The following HTR4 variants were observed in gnomAD, a reference collection of about 807,000 sequenced individuals.
HTR4 encodes 5-hydroxytryptamine receptor 4, also known as 5-hydroxytryptamine (serotonin) receptor 4, G protein-coupled.
HTR4 carries 16 observed loss-of-function variants against 36.8 expected under a neutral mutation model. The ratio of observed to expected loss-of-function variants is 0.43; its 90% CI spans 0.29 to 0.66. The LOEUF is 0.66. Ranked by LOEUF, HTR4 falls within the 30% of genes least tolerant of loss-of-function variation. The pLI, the probability that HTR4 is intolerant of heterozygous loss-of-function variation, is 0.13. For synonymous variants in HTR4, 189 were observed against 185.1 expected (o/e 1.02, Z -0.17); for missense variants, 438 against 490.9 (o/e 0.89, Z 1.02).
chr5:148,641,534 T>C (rs1399738516), intron 1 of HTR4, among the ~76,000 whole-genome samples: 2 of 152,214 alleles, frequency 1.3e-5, no homozygotes, highest in Non-Finnish European at 2.9e-5. Flanking sequence ...TAGTCTCTCA[T>C]GACCATGCAT....
chr5:148,633,396 A>G (rs1371678449), intron 2 of HTR4, among the ~76,000 whole-genome samples: 3 of 149,684 alleles, frequency 2.0e-5, no homozygotes, highest in Non-Finnish European at 4.5e-5. Flanking sequence ...TTTTTTTATT[A>G]TACTTTAAGT....
At chr5:148,611,249 A>G (rs1242384559) in intron 2 of HTR4, among the ~76,000 whole-genome samples, 2 of 150,858 alleles carry the variant, frequency 1.3e-5, no homozygotes, top group Non-Finnish European at 3.0e-5. Context: ...GTTGAAATGA[A>G]GGAAAAAATG....
chr5:148,564,060 TC>T (rs1760330663), intron 2 of HTR4, among the ~76,000 whole-genome samples: 1 of 152,236 alleles, frequency 6.6e-6, no homozygotes, highest in Admixed American at 6.5e-5. Context: ...AATTTCTCCC[TC>T]TTGTTCAAAA....
At chr5:148,525,435 G>A (rs573398508) in intron 4 of HTR4, among the ~76,000 whole-genome samples, 3 of 151,902 alleles carry the variant, frequency 2.0e-5, no homozygotes, top group East Asian at 3.9e-4. Context: ...CAAATCCTTC[G>A]GGAGTTATCT....
chr5:148,621,545 G>A (rs1752920022), intron 2 of HTR4, among the ~76,000 whole-genome samples: 1 of 152,170 alleles, frequency 6.6e-6, no homozygotes, highest in African/African-American at 2.4e-5. Context: ...TCTAACGACT[G>A]TTTTGAGGCT....
chr5:148,588,759 C>G (rs1380912381), intron 2 of HTR4, among the ~76,000 whole-genome samples: 1 of 151,084 alleles, frequency 6.6e-6, no homozygotes, highest in Non-Finnish European at 1.5e-5. Flanking sequence ...CCAGGATGGT[C>G]TTGATCTCCT....
intron 2 of HTR4, among the ~76,000 whole-genome samples, chr5:148,617,617 C>T (rs1470482212): frequency 2.0e-5 from 3 of 151,810 alleles, no homozygotes; most frequent in Admixed American, 6.6e-5. Flanking sequence ...TACAGGTGCA[C>T]GCCACCACAC....
At chr5:148,629,336 C>G (rs1753236311) in intron 2 of HTR4, 1 of 152,164 alleles carries the variant, frequency 6.6e-6, no homozygotes, top group East Asian at 1.9e-4. Flanking sequence ...ATGCTTGCTT[C>G]TGAAATACTT....
chr5:148,523,135 G>C, intron 5 of HTR4, 58 bp downstream of exon 5: 1 of 1,420,782 alleles, frequency 7.0e-7, no homozygotes, highest in Non-Finnish European at 9.7e-7. Flanking sequence ...TATTCATTTA[G>C]GAACCCCATG....
chr5:148,620,820 T>G (rs960490225), intron 2 of HTR4, among the ~76,000 whole-genome samples: 1 of 152,190 alleles, frequency 6.6e-6, no homozygotes, highest in Non-Finnish European at 1.5e-5. Context: ...TCAGGAAGCC[T>G]TGACTTAGCC....
intron 2 of HTR4, among the ~76,000 whole-genome samples, chr5:148,576,116 A>AAAAAAAAAAAAAAAAAAC (rs1760894790): frequency 7.9e-6 from 1 of 126,890 alleles, no homozygotes; most frequent in African/African-American, 3.5e-5. Context: ...GTCTCAAAAA[A>AAAAAAAAAAAAAAAAAAC]AAAAAAAAAA....
chr5:148,542,582 C>A, intron 4 of HTR4, among the ~76,000 whole-genome samples: 1 of 151,446 alleles, frequency 6.6e-6, no homozygotes, highest in Admixed American at 6.6e-5. Context: ...TGGGTGTATC[C>A]AAAAAAGAAT....
chr5:148,454,877 A>G (rs1237539070), intron 5 of HTR4, among the ~76,000 whole-genome samples: 2 of 152,144 alleles, frequency 1.3e-5, no homozygotes, highest in Non-Finnish European at 2.9e-5. Context: ...CTTGCCCCTG[A>G]GCAGCATTGC....
chr5:148,592,789 A>C lies in HTR4; in HGVS notation c.27-42527T>G, dbSNP rs957859243. On this transcript the variant is annotated intron_variant, in intron 2 of 6. Coordinates refer to ENST00000377888, the MANE Select transcript of HTR4 (RefSeq NM_000870.7). ...ACTAATTTATTTTCCTCTGTGCCCT[A>C]TGTCCTTTAAAATTTCAGATATTAT... 2.6e-5 allele frequency among the ~76,000 whole-genome samples: 4 copies of C among 152,012 alleles called. No individual in the cohort carries two copies. The East Asian group carries it at 7.7e-4, about 29-fold the overall frequency.
chr5:148,503,709 A>G (rs1470993624), intron 6 of HTR4, among the ~76,000 whole-genome samples: 1 of 152,238 alleles, frequency 6.6e-6, no homozygotes, highest in Non-Finnish European at 1.5e-5. Flanking sequence ...AATTGGATAA[A>G]GAGTCAAGAC....
At chr5:148,570,645 G>T (rs1207184442) in intron 2 of HTR4, among the ~76,000 whole-genome samples, 1 of 151,996 alleles carries the variant, frequency 6.6e-6, no homozygotes, top group Non-Finnish European at 1.5e-5. Context: ...TGTCAGATGC[G>T]GCCAGCAAGG....
At chr5:148,609,119 AC>A (rs1752299428) in intron 2 of HTR4, among the ~76,000 whole-genome samples, 1 of 152,118 alleles carries the variant, frequency 6.6e-6, no homozygotes, top group African/African-American at 2.4e-5. Context: ...AGGAGTGGGG[AC>A]CCCCTCGTTG....
chr5:148,479,107 T>C (rs1755796617), downstream of HTR4, among the ~76,000 whole-genome samples: 1 of 152,186 alleles, frequency 6.6e-6, no homozygotes. Flanking sequence ...TCCTCGTGGT[T>C]TGTGCTCTGA....
intron 2 of HTR4, among the ~76,000 whole-genome samples, chr5:148,627,484 G>A (rs540210957): frequency 7.2e-5 from 11 of 152,150 alleles, no homozygotes; most frequent in East Asian, 3.8e-4. Context: ...GGCTAGAAAC[G>A]TCAGTTACAC....
Sources: allele counts gnomAD v4.1 joint callset (sites outside exome capture counted in the v4.1 genomes callset), GRCh38; gene constraint gnomAD v4.1.1; transcripts MANE v1.5; gene names NCBI Gene and HGNC (gene_info 2026-07-23, HGNC 2026-07-21).